Variants in CRTAC1 observed in about 807,000 individuals in gnomAD.
CRTAC1 encodes the protein cartilage acidic protein 1.
Under a neutral mutation model 67.8 loss-of-function variants are expected in CRTAC1, and 37 were observed. The observed-to-expected ratio is 0.55, with a 90% CI of 0.42 to 0.72. CRTAC1 has a LOEUF of 0.72. Among genes scored for constraint, CRTAC1 ranks in the 30% least tolerant of loss-of-function variants. The pLI is 0.00. For synonymous variants in CRTAC1, 348 were observed against 371.0 expected, an observed-to-expected ratio of 0.94 and a Z score of 0.71; for missense variants, 780 against 931.6, an observed-to-expected ratio of 0.84 and a Z score of 2.12.
intron 1 of CRTAC1, among the ~76,000 whole-genome samples, chr10:98,018,264 A>T (rs1220429896): frequency 7.0e-6 from 1 of 142,954 alleles, no homozygotes; most frequent in Non-Finnish European, 1.5e-5. Context: ...ATTGGGAGTT[A>T]GCAACCTGGC....
intron 1 of CRTAC1, among the ~76,000 whole-genome samples, chr10:98,013,347 C>T (rs1158885357): frequency 6.6e-6 from 1 of 152,216 alleles, no homozygotes; most frequent in African/African-American, 2.4e-5. Flanking sequence ...TGGCCCCATT[C>T]AGGTAATATG....
intron 2 of CRTAC1, among the ~76,000 whole-genome samples, chr10:98,000,917 T>G (rs928880808): frequency 2.0e-4 from 31 of 152,308 alleles, no homozygotes; most frequent in African/African-American, 7.5e-4. Flanking sequence ...TGGAGAAACT[T>G]AAGCTATACA....
In CRTAC1 at chr10:98,029,448, G is replaced by A. The variant is rs549438391; in HGVS notation, c.24+1001C>T. Among the ~76,000 whole-genome samples the A allele has an allele frequency of 4.6e-4, 70 of 151,878 alleles. No homozygotes were observed. Among genetic ancestry groups the A allele is most frequent in the African/African-American group, 1.6e-3 (66 of 41,388 alleles). On this transcript the variant is annotated intron_variant, in intron 1 of 14. Transcript: ENST00000370597. This position sits in a 1 kb window ranked among gnomAD's most constrained non-coding sequence, Gnocchi z 4.7. Reference sequence around the variant, plus strand: ...TGTCAGGAGAACGGAAGCATCTCCTGGGATGTGCAGAAGCCACACTGGGTG... The same window carrying A: ...TGTCAGGAGAACGGAAGCATCTCCTAGGATGTGCAGAAGCCACACTGGGTG...
rs77865967 is a variant in CRTAC1 at position 97,916,680 on chromosome 10, G to A, written c.715+820C>T. Among the ~76,000 whole-genome samples the A allele has an allele frequency of 9.1e-3, 1,386 of 152,280 alleles. 13 individuals are homozygous for A. The highest frequency in any genetic ancestry group is 0.015 in the Non-Finnish European group (1,036 of 68,016). On this transcript the variant is annotated intron_variant, in intron 5 of 14. Transcript: ENST00000370597. ...TTGGGATGGGTATGTTGGGAAGGCC[G>A]ACCAACAAGAGGATCTCTCTGTCCC...
At chr10:97,901,682 T>G (rs2136565995) in intron 7 of CRTAC1, 43 bp from the exon 8 acceptor site, 1 of 1,612,388 alleles carries the variant, frequency 6.2e-7, no homozygotes, top group Non-Finnish European at 8.5e-7. Context: ...GAGAGTGGGC[T>G]GGGGCGGGAG....
chr10:97,876,908 C>CAA (rs80170397), intron 14 of CRTAC1, among the ~76,000 whole-genome samples: 33,436 of 140,658 alleles, frequency 0.24, 3,991 homozygotes, highest in Admixed American at 0.27. Context: ...GGCACCTGTT[C>CAA]AAAAAGCCTG....
At chr10:97,874,188 T>C (rs995828795) in intron 14 of CRTAC1, among the ~76,000 whole-genome samples, 1 of 152,176 alleles carries the variant, frequency 6.6e-6, no homozygotes, top group Admixed American at 6.5e-5. Context: ...CAGCTCCTTT[T>C]TGGGCCTTGG....
At chr10:97,945,907 G>A (rs1208311090) in intron 2 of CRTAC1, among the ~76,000 whole-genome samples, 1 of 152,106 alleles carries the variant, frequency 6.6e-6, no homozygotes, top group Non-Finnish European at 1.5e-5. Flanking sequence ...GATTGATTTC[G>A]GCCTTGTTCT....
chr10:97,995,054 T>C (rs1285245007), intron 2 of CRTAC1, among the ~76,000 whole-genome samples: 1 of 152,188 alleles, frequency 6.6e-6, no homozygotes, highest in African/African-American at 2.4e-5. Flanking sequence ...TGGCTATAGG[T>C]ATTTTATAAA....
chr10:97,947,367 T>A (rs2051282471), intron 2 of CRTAC1, among the ~76,000 whole-genome samples: 1 of 152,186 alleles, frequency 6.6e-6, no homozygotes, highest in African/African-American at 2.4e-5. Flanking sequence ...GGTAAAAGTT[T>A]TAATAAAGGT....
At chr10:97,993,811 G>C (rs1265161436) in intron 2 of CRTAC1, among the ~76,000 whole-genome samples, 1 of 152,206 alleles carries the variant, frequency 6.6e-6, no homozygotes, top group Non-Finnish European at 1.5e-5. Context: ...TAATGTGAGA[G>C]GAGAAATTTT....
At chr10:98,004,874 G>C (rs1842753497) in intron 2 of CRTAC1, among the ~76,000 whole-genome samples, 1 of 150,372 alleles carries the variant, frequency 6.7e-6, no homozygotes, top group African/African-American at 2.4e-5. Flanking sequence ...CTATGTCTCT[G>C]TCTCTCTCAC....
At position 97,917,543 on chromosome 10, in the gene CRTAC1, C is replaced by T. The variant is rs191030337; in HGVS notation, c.672G>A (p.Ala224=). Residue 224 remains alanine (A), a synonymous_variant, in exon 5 of 15, where the codon GCG becomes GCA. Transcript: ENST00000370597. ...CAGCCTCAGCAGCCACATCTCTGAG[C>T]GCCAGAATGCCCCGGGAGAGGTCAC... The part of the protein sequence containing the change: ...EASDLSRGIL[A]LRDVAAEAGV... 341 of 1,592,740 alleles carry T rather than the reference C, an allele frequency of 2.1e-4. No homozygotes were observed. The highest frequency in any genetic ancestry group is 3.1e-4 in the Admixed American group (18 of 58,618).
chr10:97,970,006 T>C (rs888804562), intron 2 of CRTAC1, among the ~76,000 whole-genome samples: 7 of 152,174 alleles, frequency 4.6e-5, no homozygotes, highest in Admixed American at 1.3e-4. Flanking sequence ...AATAGATATT[T>C]CAAACTTAAC....
At chr10:97,913,795 C>T (rs774373265) in intron 5 of CRTAC1, among the ~76,000 whole-genome samples, 9 of 152,140 alleles carry the variant, frequency 5.9e-5, no homozygotes, top group African/African-American at 2.2e-4. Context: ...GAAAGGCCAG[C>T]GCCCACCTGG....
In CRTAC1 at chr10:98,018,232, AG is replaced by A. The variant is rs1473976542; in HGVS notation, c.25-6896del. 5.2e-4 allele frequency among the ~76,000 whole-genome samples: 70 copies of A among 134,192 alleles called. 2 individuals are homozygous for A. The highest frequency in any genetic ancestry group is 1.8e-3 in the African/African-American group (61 of 34,590). The allele number at this position is 134,192 out of a possible 152,430, so 88.0% of individuals were successfully genotyped here. ...AAAAAAAAAAAAAAAAAAAAAAAAA[AG>A]AGAGAGAGAGAGAGACCAACATTGG... On this transcript the variant is annotated intron_variant, in intron 1 of 14. Coordinates refer to ENST00000370597, the MANE Select transcript of CRTAC1 (RefSeq NM_018058.7).
intron 5 of CRTAC1, among the ~76,000 whole-genome samples, chr10:97,910,685 GC>G (rs1388748726): frequency 2.0e-5 from 3 of 152,204 alleles, no homozygotes; most frequent in Non-Finnish European, 4.4e-5. Context: ...GTCTCTAGGT[GC>G]CTCCCATCCT....
At chr10:97,896,832 G>A (rs1027952155) in intron 9 of CRTAC1, 77 bp downstream of exon 9, 27 of 266,890 alleles carry the variant, frequency 1.0e-4, no homozygotes, top group East Asian at 4.0e-4. Context: ...TGGCTGCCCC[G>A]TCCCTCCCGC....
At chr10:97,919,260 G>A (rs935063261) in intron 4 of CRTAC1, among the ~76,000 whole-genome samples, 8 of 152,138 alleles carry the variant, frequency 5.3e-5, no homozygotes, top group African/African-American at 1.9e-4. Context: ...AACACGTACA[G>A]GATTTCCTGG....
Sources: allele counts gnomAD v4.1 joint callset (sites outside exome capture counted in the v4.1 genomes callset), GRCh38; gene constraint gnomAD v4.1.1; non-coding constraint Gnocchi (gnomAD v3.1); transcripts MANE v1.5; gene names NCBI Gene and HGNC (gene_info 2026-07-23, HGNC 2026-07-21).